KNDC1: variants seen among roughly 807,000 people sequenced by gnomAD.
KNDC1 encodes the protein kinase non-catalytic C-lobe domain containing 1.
KNDC1 carries 106 observed loss-of-function variants against 172.8 expected under a neutral mutation model. The ratio of observed to expected loss-of-function variants is 0.61; its 90% CI spans 0.52 to 0.72. The LOEUF is 0.72. Among genes scored for constraint, KNDC1 ranks in the 30% least tolerant of loss-of-function variants. The pLI, the probability that KNDC1 is intolerant of heterozygous loss-of-function variation, is 0.00. For missense variants in KNDC1, 2,325 were observed against 2,394.5 expected (o/e 0.97, Z 0.61); for synonymous variants, 1,083 against 1,062.2 (o/e 1.02, Z -0.38).
At chr10:133,215,743 C>T (rs974599235) in intron 26 of KNDC1, among the ~76,000 whole-genome samples, 1 of 152,228 alleles carries the variant, frequency 6.6e-6, no homozygotes, top group Admixed American at 6.5e-5. Context: ...CTCGAGCCTG[C>T]GGCGGCCCTG....
At chr10:133,191,888 A>G (rs1264613480) in intron 9 of KNDC1, among the ~76,000 whole-genome samples, 1 of 152,234 alleles carries the variant, frequency 6.6e-6, no homozygotes, top group Non-Finnish European at 1.5e-5. Flanking sequence ...AGAAGTGTCC[A>G]GTGCCTGCCC....
rs372988806 is a variant in KNDC1 at position 133,222,490 on chromosome 10, GGTGT to G, written c.5019-2153_5019-2150del. 3.4e-3 allele frequency among the ~76,000 whole-genome samples: 75 copies of G among 22,148 alleles called. 2 individuals carry two copies. Among genetic ancestry groups the G allele is most frequent in the Non-Finnish European group, 5.4e-3 (52 of 9,578 alleles). The allele number at this position is 22,148 out of a possible 152,430, so 14.5% of individuals were successfully genotyped here. On this transcript the variant is annotated intron_variant, in intron 29 of 29. Coordinates refer to ENST00000304613, the MANE Select transcript of KNDC1 (RefSeq NM_152643.8). Reference sequence around the variant, plus strand: ...GAGCCCATCCAGGCATGCTCTTCCCGGTGTGTGTGTGTGTGTGTGAGCCCATCCA... The same window carrying G: ...GAGCCCATCCAGGCATGCTCTTCCCGGTGTGTGTGTGTGTGAGCCCATCCA...
At chr10:133,173,177 C>T (rs1853426948) in intron 3 of KNDC1, among the ~76,000 whole-genome samples, 1 of 152,214 alleles carries the variant, frequency 6.6e-6, no homozygotes, top group South Asian at 2.1e-4. Flanking sequence ...TGTGCTTTCT[C>T]TTCCCAGTCT....
At chr10:133,167,144 G>A (rs992324070) in intron 1 of KNDC1, 24 of 560,160 alleles carry the variant, frequency 4.3e-5, no homozygotes, top group Admixed American at 1.2e-4. Context: ...TCCAGGAGCC[G>A]ACACCTGCTC....
At chr10:133,192,119 C>G (rs1384250894) in intron 9 of KNDC1, among the ~76,000 whole-genome samples, 2 of 152,224 alleles carry the variant, frequency 1.3e-5, no homozygotes. Context: ...TATCAAACTA[C>G]CAATGTCATT....
At position 133,210,736 on chromosome 10, in the gene KNDC1, C is replaced by T. The variant is rs779954261; in HGVS notation, c.3908+12C>T. The T allele has an allele frequency of 8.2e-6, 13 of 1,592,096 alleles. No homozygotes were observed. Among genetic ancestry groups the T allele is most frequent in the Non-Finnish European group, 1.0e-5 (12 of 1,160,010 alleles). On this transcript the variant is annotated intron_variant, in intron 21 of 29. Transcript: ENST00000304613. ...AGCACGCTGACCAGGTACCAAGCTC[C>T]ACAGCTCCACGCCCGCCAGAGCTTC... is the stretch of plus-strand genomic sequence containing the variant.
Position 133,163,625 on chromosome 10 carries a change from CAGTT to C in KNDC1, c.102+3057_102+3060del, listed in dbSNP as rs954289603. Among the ~76,000 whole-genome samples the C allele has an allele frequency of 2.0e-5, 3 of 152,168 alleles. No homozygotes were observed. The highest frequency in any genetic ancestry group is 7.2e-5 in the African/African-American group (3 of 41,424). The stretch of plus-strand genomic sequence containing the variant: ...TTAGAATCCCACGGCTGAAAAAAAT[CAGTT>C]GGTCATAAGACAGTGTATTTCAAAT... On this transcript the variant is annotated intron_variant, in intron 1 of 29. Transcript: ENST00000304613. The surrounding 1 kb of genome is among the most constrained non-coding windows in gnomAD (Gnocchi z 4.4).
intron 9 of KNDC1, among the ~76,000 whole-genome samples, chr10:133,191,692 T>C (rs1324886609): frequency 6.6e-6 from 1 of 151,950 alleles, no homozygotes; most frequent in Non-Finnish European, 1.5e-5. Flanking sequence ...AGAGTGAGAC[T>C]CAGTCTCAAA....
intron 3 of KNDC1, among the ~76,000 whole-genome samples, chr10:133,168,619 T>G (rs3008304): frequency 0.53 from 80,424 of 152,080 alleles, 21,676 homozygotes; most frequent in Admixed American, 0.63. Flanking sequence ...ATCATTACCA[T>G]TTTATAGCAG....
chr10:133,196,291 G>C (rs996167262), intron 10 of KNDC1, among the ~76,000 whole-genome samples: 2 of 148,364 alleles, frequency 1.3e-5, no homozygotes, highest in Non-Finnish European at 3.0e-5. Context: ...CTCAAGCTTT[G>C]GGGCTGGGTT....
chr10:133,210,780 C>T lies in KNDC1; in HGVS notation c.3908+56C>T, dbSNP rs1215732780. 1.0e-5 allele frequency: 14 copies of T among 1,394,466 alleles called. 1 individual carries two copies. Among genetic ancestry groups the T allele is most frequent in the South Asian group, 4.6e-5 (4 of 86,746 alleles). The allele number at this position is 1,394,466 out of a possible 1,614,324, so 86.4% of individuals were successfully genotyped here. Reference sequence around the variant, plus strand: ...GAGCTTCCCCCTGGGGCAGGGTGGGCGCCCATGGGCCTGGTTTAGCCACCA... The same window carrying T: ...GAGCTTCCCCCTGGGGCAGGGTGGGTGCCCATGGGCCTGGTTTAGCCACCA... On this transcript the variant is annotated intron_variant, in intron 21 of 29. Transcript: ENST00000304613.
At chr10:133,184,110 C>CTGCACACACACCCA (rs903772057) in intron 5 of KNDC1, 121 bp downstream of exon 5, 1 of 550,798 alleles carries the variant, frequency 1.8e-6, no homozygotes, top group Non-Finnish European at 3.2e-6. Flanking sequence ...CACACCCATA[C>CTGCACACACACCCA]TGCACACACA....
chr10:133,212,332 C>T (rs1211324953), intron 23 of KNDC1, among the ~76,000 whole-genome samples: 1 of 152,240 alleles, frequency 6.6e-6, no homozygotes, highest in Admixed American at 6.5e-5. Flanking sequence ...CTCACATACC[C>T]CCTCCATGTT....
chr10:133,201,362 CCGGGGGGCGCCCGTGGTGGG>C, intron 16 of KNDC1, 119 bp from the exon 17 acceptor site: 1 of 925,398 alleles, frequency 1.1e-6, no homozygotes, highest in Non-Finnish European at 1.7e-6. Context: ...GCAGCCGTGC[CCGGGGGGCGCCCGTGGTGGG>C]CGGGTGCAAG....
At chr10:133,177,468 C>G (rs944556545) in intron 3 of KNDC1, among the ~76,000 whole-genome samples, 2 of 151,916 alleles carry the variant, frequency 1.3e-5, no homozygotes, top group African/African-American at 4.8e-5. Context: ...TACATGTATG[C>G]CATGTGTGCA....
In KNDC1 at chr10:133,185,445, A is replaced by ATAGGCAGTGTGTGCAGTGTAGAG. The variant is rs1564883565; in HGVS notation, c.626-509_626-487dup. On this transcript the variant is annotated intron_variant, in intron 5 of 29. Coordinates refer to ENST00000304613, the MANE Select transcript of KNDC1 (RefSeq NM_152643.8). Reference sequence around the variant, plus strand: ...GAGTAGGCAGTGTGTGCAGTGTGGAATAGGCAGTGTGTGCAGTGTAGAGTA... The same window carrying ATAGGCAGTGTGTGCAGTGTAGAG: ...GAGTAGGCAGTGTGTGCAGTGTGGAATAGGCAGTGTGTGCAGTGTAGAGTAGGCAGTGTGTGCAGTGTAGAGTA... 3.4e-4 allele frequency among the ~76,000 whole-genome samples: 16 copies of ATAGGCAGTGTGTGCAGTGTAGAG among 46,518 alleles called. No individual in the cohort carries two copies. The East Asian group carries it at 0.012, about 35-fold the overall frequency. 30.5% of individuals were successfully genotyped at this position (46,518 alleles called of 152,430 possible).
intron 15 of KNDC1, 79 bp downstream of exon 15, chr10:133,199,681 C>T: frequency 1.3e-6 from 2 of 1,493,030 alleles, no homozygotes; most frequent in Admixed American, 3.7e-5. Flanking sequence ...TGACCCGGGC[C>T]CAGCCTTCCC....
intron 5 of KNDC1, among the ~76,000 whole-genome samples, chr10:133,184,510 T>C (rs1285124000): frequency 6.6e-6 from 1 of 152,206 alleles, no homozygotes; most frequent in Non-Finnish European, 1.5e-5. Flanking sequence ...TACACACATA[T>C]TCACTCTTGC....
chr10:133,185,539 CAG>C (rs1243189593), intron 5 of KNDC1, among the ~76,000 whole-genome samples: 2 of 151,502 alleles, frequency 1.3e-5, no homozygotes, highest in Non-Finnish European at 1.5e-5. Context: ...CCACACACAG[CAG>C]AGAGAGATCA....
Sources: gnomAD v4.1 joint callset for allele counts (sites outside exome capture counted in the v4.1 genomes callset) on GRCh38, gnomAD v4.1.1 for gene constraint, Gnocchi (gnomAD v3.1) non-coding constraint, MANE v1.5 for transcripts, NCBI Gene and HGNC (gene_info 2026-07-23, HGNC 2026-07-21) for gene names.